ARHGAP15: variants seen among roughly 807,000 people sequenced by gnomAD.
ARHGAP15 encodes the protein rho GTPase-activating protein 15.
ARHGAP15 carries 51 observed loss-of-function variants against 63.7 expected under a neutral mutation model. The observed-to-expected ratio is 0.80, with a 90% CI of 0.64 to 1.01. The LOEUF (loss-of-function observed/expected upper bound fraction) is 1.01. ARHGAP15 is among the 50% of genes least tolerant of loss of function. ARHGAP15 has a pLI of 0.00. For missense variants in ARHGAP15, 560 were observed against 564.6 expected (o/e 0.99, Z 0.08); for synonymous variants, 191 against 193.8 (o/e 0.99, Z 0.12).
chr2:143,212,489 T>TA (rs780349899), intron 3 of ARHGAP15, among the ~76,000 whole-genome samples: 6 of 152,224 alleles, frequency 3.9e-5, no homozygotes, highest in Non-Finnish European at 8.8e-5. Context: ...TGACATTTCT[T>TA]AAGTATACTT....
In ARHGAP15 at chr2:143,615,993, A is replaced by G. The variant is rs570594805; in HGVS notation, c.1004-8140A>G. ...TAAGAAAGGAATTAAAGAAATATAT[A>G]TGGGTGCCAGGAAATACATCAATTT... On this transcript the variant is annotated intron_variant, in intron 11 of 13. Coordinates refer to ENST00000295095, the MANE Select transcript of ARHGAP15 (RefSeq NM_018460.4). 2.4e-4 allele frequency among the ~76,000 whole-genome samples: 37 copies of G among 152,304 alleles called. No homozygotes were observed. The South Asian group carries it at 6.4e-3, about 26-fold the overall frequency.
intron 8 of ARHGAP15, among the ~76,000 whole-genome samples, chr2:143,477,030 C>T (rs1483053860): frequency 6.6e-6 from 1 of 152,130 alleles, no homozygotes; most frequent in East Asian, 1.9e-4. Context: ...TTCAGAAAGT[C>T]GTTAATGGAT....
chr2:143,240,189 C>CAAAAT (rs148821903), intron 5 of ARHGAP15, among the ~76,000 whole-genome samples: 41 of 149,876 alleles, frequency 2.7e-4, no homozygotes, highest in African/African-American at 6.1e-4. Flanking sequence ...AAAAATAAAA[C>CAAAAT]AAAATAAAAT....
At chr2:143,557,309 A>T (rs947621574) in intron 11 of ARHGAP15, among the ~76,000 whole-genome samples, 1 of 152,148 alleles carries the variant, frequency 6.6e-6, no homozygotes. Flanking sequence ...TTATTCAGGG[A>T]TGAAAAGAAA....
chr2:143,482,382 G>A (rs1426747203), intron 8 of ARHGAP15, among the ~76,000 whole-genome samples: 1 of 152,122 alleles, frequency 6.6e-6, no homozygotes, highest in Non-Finnish European at 1.5e-5. Context: ...CATAAATGAT[G>A]GATTATTGTA....
At chr2:143,205,202 A>G (rs1692281263) in intron 3 of ARHGAP15, among the ~76,000 whole-genome samples, 1 of 151,274 alleles carries the variant, frequency 6.6e-6, no homozygotes, top group Non-Finnish European at 1.5e-5. Flanking sequence ...CAGGAGAATC[A>G]CTTGAACATT....
At position 143,614,709 on chromosome 2, in the gene ARHGAP15, T is replaced by C. The variant is rs139506821; in HGVS notation, c.1004-9424T>C. Among the ~76,000 whole-genome samples the C allele has an allele frequency of 1.4e-4, 21 of 152,268 alleles. No homozygotes were observed. The East Asian group carries it at 3.9e-3, about 28-fold the overall frequency. On this transcript the variant is annotated intron_variant, in intron 11 of 13. Transcript: ENST00000295095. ...AAAACAAATTTCTTTGAGACAGAGA[T>C]AGAGGAGAGACCCTTTGTTTAAATC...
At position 143,389,359 on chromosome 2, in the gene ARHGAP15, T is replaced by C. The variant is rs534796334; in HGVS notation, c.475-46242T>C. Among the ~76,000 whole-genome samples, 6 of 152,238 alleles carry C rather than the reference T, an allele frequency of 3.9e-5. No homozygotes were observed. In the East Asian group the frequency reaches 7.7e-4, roughly 20 times the overall value. On this transcript the variant is annotated intron_variant, in intron 6 of 13. Transcript: ENST00000295095. Reference sequence around the variant, plus strand: ...CATTCATGAATTCACTTTACGGTTATTCTTACAGATACTGAAAGAAGCAAC... The same window carrying C: ...CATTCATGAATTCACTTTACGGTTACTCTTACAGATACTGAAAGAAGCAAC...
chr2:143,422,201 T>C (rs1199267431), intron 6 of ARHGAP15, among the ~76,000 whole-genome samples: 1 of 152,126 alleles, frequency 6.6e-6, no homozygotes, highest in East Asian at 1.9e-4. Context: ...AACCCAATAC[T>C]GGTTCTCATG....
At chr2:143,479,010 A>T (rs1393934555) in intron 8 of ARHGAP15, among the ~76,000 whole-genome samples, 9 of 152,126 alleles carry the variant, frequency 5.9e-5, no homozygotes, top group Non-Finnish European at 1.3e-4. Context: ...ACTATATGTT[A>T]CTCCCCTCTA....
intron 2 of ARHGAP15, chr2:143,162,593 T>C (rs1690341773): frequency 6.6e-6 from 1 of 152,038 alleles, no homozygotes; most frequent in Non-Finnish European, 1.5e-5. Context: ...GGTCCCCTGA[T>C]GTTCATAATC....
intron 6 of ARHGAP15, among the ~76,000 whole-genome samples, chr2:143,431,510 C>CGTT (rs1689388059): frequency 6.6e-6 from 1 of 151,952 alleles, no homozygotes; most frequent in African/African-American, 2.4e-5. Flanking sequence ...AGTTCTGATA[C>CGTT]AATCAACGTT....
intron 13 of ARHGAP15, among the ~76,000 whole-genome samples, chr2:143,756,972 C>T (rs988334226): frequency 1.1e-4 from 16 of 151,898 alleles, no homozygotes; most frequent in African/African-American, 3.6e-4. Context: ...ATCTTAGCTA[C>T]TTGCAGAAAA....
At chr2:143,344,651 G>A (rs183748975) in intron 6 of ARHGAP15, among the ~76,000 whole-genome samples, 52 of 152,190 alleles carry the variant, frequency 3.4e-4, no homozygotes, top group African/African-American at 1.2e-3. Flanking sequence ...CCATTCCGTG[G>A]AAAAGTTGAG....
chr2:143,284,948 A>C (rs138174101), intron 6 of ARHGAP15, among the ~76,000 whole-genome samples: 5 of 152,268 alleles, frequency 3.3e-5, no homozygotes, highest in Non-Finnish European at 7.4e-5. Context: ...GACAATGTAC[A>C]TTTGGGTTTT....
chr2:143,561,607 C>T (rs927935394), intron 11 of ARHGAP15, among the ~76,000 whole-genome samples: 2 of 150,094 alleles, frequency 1.3e-5, no homozygotes, highest in African/African-American at 2.5e-5. Context: ...CCTCCACCTC[C>T]CGGGTTCAAG....
chr2:143,394,425 ATTG>A (rs1410450363), intron 6 of ARHGAP15, among the ~76,000 whole-genome samples: 1 of 152,208 alleles, frequency 6.6e-6, no homozygotes, highest in African/African-American at 2.4e-5. Flanking sequence ...GGCAAGAATA[ATTG>A]TTAACAGTGC....
At chr2:143,365,609 C>T (rs186244906) in intron 6 of ARHGAP15, among the ~76,000 whole-genome samples, 1 of 152,230 alleles carries the variant, frequency 6.6e-6, no homozygotes, top group South Asian at 2.1e-4. Context: ...ATACACCACA[C>T]AAATCACCAG....
At chr2:143,677,832 G>A (rs1466527152) in intron 12 of ARHGAP15, among the ~76,000 whole-genome samples, 1 of 152,156 alleles carries the variant, frequency 6.6e-6, no homozygotes, top group Admixed American at 6.6e-5. Context: ...GTCTGATAGG[G>A]AAAAGACAAT....
Sources: allele counts gnomAD v4.1 joint callset (sites outside exome capture counted in the v4.1 genomes callset), GRCh38; gene constraint gnomAD v4.1.1; transcripts MANE v1.5; gene names NCBI Gene and HGNC (gene_info 2026-07-23, HGNC 2026-07-21).